UBE2QL1: variants seen among roughly 807,000 people sequenced by gnomAD.
UBE2QL1 encodes the protein ubiquitin-conjugating enzyme E2Q-like protein 1.
Under a neutral mutation model 12.6 loss-of-function variants are expected in UBE2QL1, and 5 were observed. The ratio of observed to expected loss-of-function variants is 0.40; its 90% CI spans 0.21 to 0.83. The LOEUF (loss-of-function observed/expected upper bound fraction) is 0.83, where lower values mean the gene tolerates loss of function less well. Ranked by LOEUF, UBE2QL1 falls within the 40% of genes least tolerant of loss-of-function variation. The pLI is 0.37. For missense variants in UBE2QL1, 99 were observed against 222.6 expected (o/e 0.44, Z 3.53); for synonymous variants, 96 against 94.5 (o/e 1.02, Z -0.10).
chr5:6,479,398 G>A lies in UBE2QL1; in HGVS notation c.355-11820G>A, dbSNP rs1035726475. Among the ~76,000 whole-genome samples the A allele has an allele frequency of 1.3e-5, 2 of 152,144 alleles. No individual in the cohort carries two copies. The highest frequency in any genetic ancestry group is 2.9e-5 in the Non-Finnish European group (2 of 68,020). On this transcript the variant is annotated intron_variant, in intron 1 of 1. Transcript: ENST00000399816. This position sits in a 1 kb window ranked among gnomAD's most constrained non-coding sequence, Gnocchi z 4.2. ...GTTTCTTGCAGGTCACTCACTGAGC[G>A]TAGGAGCAGACAGAGCTGACTTCAA...
intron 1 of UBE2QL1, among the ~76,000 whole-genome samples, chr5:6,480,941 A>G (rs1734346431): frequency 6.6e-6 from 1 of 152,154 alleles, no homozygotes; most frequent in Non-Finnish European, 1.5e-5. Flanking sequence ...TGGGGGTTAC[A>G]GGTTGCTCTC....
chr5:6,466,092 C>G (rs1045878581), intron 1 of UBE2QL1, among the ~76,000 whole-genome samples: 1 of 151,980 alleles, frequency 6.6e-6, no homozygotes, highest in Non-Finnish European at 1.5e-5. Context: ...CTGAGCAGTG[C>G]GGGGAGGCAT....
In UBE2QL1 at chr5:6,449,265, G is replaced by T. The variant is rs1356281903; in HGVS notation, c.354+18G>T. On this transcript the variant is annotated intron_variant, in intron 1 of 1. Coordinates refer to ENST00000399816, the MANE Select transcript of UBE2QL1 (RefSeq NM_001145161.3). ...AGGGCCAGGTAAGGCGAGCGCGCCG[G>T]GGCTGGGGGCGCGGGGCCGAGATCG... The T allele has an allele frequency of 3.7e-6, 5 of 1,359,812 alleles. No homozygotes were observed. The African/African-American group carries it at 6.1e-5, about 17-fold the overall frequency. The allele number at this position is 1,359,812 out of a possible 1,614,324, so 84.2% of individuals were successfully genotyped here.
chr5:6,458,629 G>A (rs11956090), intron 1 of UBE2QL1, among the ~76,000 whole-genome samples: 1 of 152,094 alleles, frequency 6.6e-6, no homozygotes, highest in African/African-American at 2.4e-5. Flanking sequence ...GTCAGGAATT[G>A]GATATAACTA....
chr5:6,464,831 G>C (rs1056960331), intron 1 of UBE2QL1, among the ~76,000 whole-genome samples: 3 of 152,218 alleles, frequency 2.0e-5, no homozygotes, highest in Non-Finnish European at 2.9e-5. Context: ...ACCTCTTGCA[G>C]TCAACAGCAT....
chr5:6,487,309 C>G (rs919045185), intron 1 of UBE2QL1, among the ~76,000 whole-genome samples: 6 of 152,198 alleles, frequency 3.9e-5, no homozygotes, highest in African/African-American at 1.2e-4. Flanking sequence ...AAAATACCAC[C>G]TACTGGTTTT....
chr5:6,474,755 A>G (rs1166357056), intron 1 of UBE2QL1, among the ~76,000 whole-genome samples: 2 of 152,286 alleles, frequency 1.3e-5, no homozygotes, highest in East Asian at 3.9e-4. Flanking sequence ...GGCAGTGAGC[A>G]CTTTAGTACT....
chr5:6,467,578 G>A (rs180913185), intron 1 of UBE2QL1, among the ~76,000 whole-genome samples: 2 of 152,280 alleles, frequency 1.3e-5, no homozygotes, highest in Admixed American at 6.5e-5. Flanking sequence ...CTCGTTCTGA[G>A]GTGCTGAGGG....
chr5:6,471,712 G>T (rs762145479), intron 1 of UBE2QL1, among the ~76,000 whole-genome samples: 1 of 152,204 alleles, frequency 6.6e-6, no homozygotes, highest in Admixed American at 6.5e-5. Flanking sequence ...GGGAGTGAAC[G>T]CCAGGAATCG....
intron 1 of UBE2QL1, among the ~76,000 whole-genome samples, chr5:6,455,693 G>T (rs1579286519): frequency 6.6e-6 from 1 of 152,138 alleles, no homozygotes; most frequent in Non-Finnish European, 1.5e-5. Flanking sequence ...AGCCCGGGTT[G>T]GAAAAGCTGC....
At chr5:6,487,320 G>A (rs1314396356) in intron 1 of UBE2QL1, among the ~76,000 whole-genome samples, 6 of 152,212 alleles carry the variant, frequency 3.9e-5, no homozygotes, top group Non-Finnish European at 8.8e-5. Context: ...TACTGGTTTT[G>A]TTTGACAGAT....
chr5:6,452,642 A>T (rs921034424), intron 1 of UBE2QL1, among the ~76,000 whole-genome samples: 1 of 152,210 alleles, frequency 6.6e-6, no homozygotes, highest in Non-Finnish European at 1.5e-5. Flanking sequence ...TTTTGAAATG[A>T]AAGTAGCCTG....
intron 1 of UBE2QL1, among the ~76,000 whole-genome samples, chr5:6,471,383 G>A (rs953379783): frequency 6.6e-6 from 1 of 152,196 alleles, no homozygotes; most frequent in African/African-American, 2.4e-5. Flanking sequence ...CTGCAGGCCA[G>A]GGCTGCTGTC....
At chr5:6,487,437 C>T (rs921756525) in intron 1 of UBE2QL1, among the ~76,000 whole-genome samples, 2 of 152,342 alleles carry the variant, frequency 1.3e-5, no homozygotes, top group Non-Finnish European at 2.9e-5. Flanking sequence ...TAAATATACA[C>T]TTAACCATGT....
chr5:6,491,551 C>A lies in UBE2QL1; in HGVS notation c.*202C>A, dbSNP rs946260036. The A allele has an allele frequency of 8.8e-6, 5 of 567,780 alleles. No homozygotes were observed. The highest frequency in any genetic ancestry group is 1.4e-5 in the Non-Finnish European group (5 of 368,784). The allele number at this position is 567,780 out of a possible 1,614,324, so 35.2% of individuals were successfully genotyped here. A position where few individuals can be genotyped will look rare whatever the true frequency, so the allele number is the denominator to read the frequency against. ...AGCAAATGCCGTTCGGATTATGTTT[C>A]GATTATAAATGAATGATCACCTCGA... On this transcript the variant is annotated 3_prime_UTR_variant, in exon 2 of 2. Transcript: ENST00000399816.
intron 1 of UBE2QL1, among the ~76,000 whole-genome samples, chr5:6,459,534 T>C (rs1739607373): frequency 6.6e-6 from 1 of 152,006 alleles, no homozygotes; most frequent in African/African-American, 2.4e-5. Flanking sequence ...ACCTGCAGAC[T>C]CCTCCCCAGA....
rs78938254 is a variant in UBE2QL1, at chr5:6,461,375, C to G, written c.354+12128C>G. Among the ~76,000 whole-genome samples, 762 of 152,262 alleles carry G rather than the reference C, an allele frequency of 5.0e-3. 4 individuals carry two copies. Among genetic ancestry groups the G allele is most frequent in the African/African-American group, 0.018 (740 of 41,538 alleles). On this transcript the variant is annotated intron_variant, in intron 1 of 1. Transcript: ENST00000399816. ...CTTAAGTGGGTAGACTCTGCATTCT[C>G]ATGGGACAGAGTGTGGGATACAGCT... is the stretch of plus-strand genomic sequence containing the variant.
intron 1 of UBE2QL1, among the ~76,000 whole-genome samples, chr5:6,467,509 C>A (rs1026790770): frequency 4.6e-5 from 7 of 152,150 alleles, no homozygotes; most frequent in Non-Finnish European, 1.0e-4. Flanking sequence ...TAGGCCCCAA[C>A]CTGATTACCT....
chr5:6,461,536 A>AACCCCCCCCC (rs1739660034), intron 1 of UBE2QL1, among the ~76,000 whole-genome samples: 1 of 36,224 alleles, frequency 2.8e-5, no homozygotes, highest in Non-Finnish European at 5.7e-5. Flanking sequence ...GTTTTTCAGC[A>AACCCCCCCCC]CCCACCACCC....
Sources: gnomAD v4.1 joint callset for allele counts (sites outside exome capture counted in the v4.1 genomes callset) on GRCh38, gnomAD v4.1.1 for gene constraint, Gnocchi (gnomAD v3.1) non-coding constraint, MANE v1.5 for transcripts, NCBI Gene and HGNC (gene_info 2026-07-23, HGNC 2026-07-21) for gene names.